The following METTL22 variants were observed in gnomAD, a reference collection of about 807,000 sequenced individuals.
The protein encoded by METTL22 is methyltransferase 22, Kin17 lysine.
Under a neutral mutation model 48.4 loss-of-function variants are expected in METTL22, and 51 were observed. The observed-to-expected ratio is 1.05, with a 90% CI of 0.84 to 1.33. METTL22 has a LOEUF of 1.33. Ranked by LOEUF, METTL22 falls within the 40% of genes most tolerant of loss-of-function variation. The pLI, the probability that METTL22 is intolerant of heterozygous loss-of-function variation, is 0.00. For synonymous variants in METTL22, 255 were observed against 214.1 expected (o/e 1.19, Z -1.67); for missense variants, 678 against 526.9 (o/e 1.29, Z -2.81).
Position 8,642,515 on chromosome 16 carries a change from C to T in METTL22, c.960C>T (p.Leu320=), listed in dbSNP as rs753934008. ...TDAVFKTLSR[L]AHRLKNACTA... is the part of the protein sequence containing the mutation. ...CTGTGTTTAAAACGCTCTCCCGACT[C>T]GCCCACAGATTGAAAAATGCCTGCA... is the stretch of plus-strand genomic sequence containing the variant. Residue 320 remains leucine (L), a synonymous_variant, in exon 9 of 11, where the codon CTC becomes CTT. Transcript: ENST00000381920. The T allele has an allele frequency of 4.3e-6, 7 of 1,614,110 alleles. No homozygotes were observed. Among genetic ancestry groups the T allele is most frequent in the East Asian group, 4.5e-5 (2 of 44,894 alleles).
At chr16:8,665,156 A>G in the METTL22 span, among the ~76,000 whole-genome samples, 1 of 152,118 alleles carries the variant, frequency 6.6e-6, no homozygotes, top group East Asian at 1.9e-4. Flanking sequence ...AAGTAATAAT[A>G]ATAAACAGGC....
At position 8,628,749 on chromosome 16, in the gene METTL22, G is replaced by T; in HGVS notation, c.153G>T (p.Lys51Asn). 6.2e-7 allele frequency: 1 copy of T among 1,608,350 alleles called. No homozygotes were observed. The change falls in exon 3 of 11, where the codon AAG becomes AAT. Residue 51 changes from lysine (K) to asparagine (N), a missense_variant. Physicochemically the swap from Lys to Asn is moderately conservative, Grantham distance 94. Transcript: ENST00000381920. ...TTTCAGTTTTCCTGTCCCAATTCAA[G>T]CTTCTATGGAGCCAAGACTCTTGGA... ...VGQPVFLSQF[K>N]LLWSQDSWTD...
intron 6 of METTL22, among the ~76,000 whole-genome samples, chr16:8,640,907 T>TAGAA (rs1333649606): frequency 7.4e-4 from 50 of 67,190 alleles, no homozygotes; most frequent in South Asian, 2.0e-3. Flanking sequence ...GATGGATGGA[T>TAGAA]GGATGGATGG....
chr16:8,656,246 G>A, the METTL22 span, among the ~76,000 whole-genome samples: 1 of 151,992 alleles, frequency 6.6e-6, no homozygotes, highest in African/African-American at 2.4e-5. Flanking sequence ...TGTTCCTGGC[G>A]CAGAGAGGTT....
intron 1 of METTL22, among the ~76,000 whole-genome samples, chr16:8,623,111 C>T (rs1479921257): frequency 6.6e-6 from 1 of 151,952 alleles, no homozygotes; most frequent in Non-Finnish European, 1.5e-5. Context: ...GTCAGGAGTT[C>T]AAGACTAGCC....
Position 8,635,046 on chromosome 16 carries a change from C to G in METTL22, c.522C>G (p.Thr174=). The G allele has an allele frequency of 1.2e-6, 2 of 1,613,662 alleles. No homozygotes were observed. Among genetic ancestry groups the G allele is most frequent in the Non-Finnish European group, 1.7e-6 (2 of 1,180,036 alleles). The change falls in exon 4 of 11, where the codon ACC becomes ACG. Residue 174 remains threonine (T), a synonymous_variant. Transcript: ENST00000381920. ...GGTTTCTGTCCCATCCAGAGCACAC[C>G]ATGGCCACGCCCCTGGAGGATGTTG... ...SPHDIIRIEH[T]MATPLEDVGK...
At chr16:8,639,384 C>G (rs1169944454) in intron 6 of METTL22, 1 of 584,322 alleles carries the variant, frequency 1.7e-6, no homozygotes, top group Non-Finnish European at 3.1e-6. Flanking sequence ...CATCCTACTC[C>G]AGCTCTTTCT....
intron 1 of METTL22, among the ~76,000 whole-genome samples, chr16:8,624,498 G>C (rs1157742777): frequency 1.3e-5 from 2 of 151,792 alleles, no homozygotes; most frequent in Non-Finnish European, 2.9e-5. Flanking sequence ...TCCCACCTCA[G>C]CCTCCCAAGT....
At chr16:8,628,184 G>A (rs1007082308) in intron 2 of METTL22, among the ~76,000 whole-genome samples, 1 of 152,156 alleles carries the variant, frequency 6.6e-6, no homozygotes, top group African/African-American at 2.4e-5. Context: ...CTTGCTTAAT[G>A]TTTCTTCCCC....
intron 6 of METTL22, chr16:8,639,431 C>G (rs2056523963): frequency 1.5e-5 from 8 of 528,696 alleles, no homozygotes; most frequent in Non-Finnish European, 2.4e-5. Context: ...AGCTGGTCTC[C>G]CCAGCTCCTT....
At chr16:8,644,963 T>C (rs2056740870) in intron 10 of METTL22, 1 of 402,422 alleles carries the variant, frequency 2.5e-6, no homozygotes, top group Non-Finnish European at 4.4e-6. Flanking sequence ...TTTTACTTTA[T>C]AGCACATATT....
At chr16:8,630,568 C>T (rs1371848936) in intron 3 of METTL22, among the ~76,000 whole-genome samples, 3 of 152,130 alleles carry the variant, frequency 2.0e-5, no homozygotes, top group African/African-American at 7.2e-5. Flanking sequence ...TCCCTCTGAG[C>T]CCTCACTGTT....
In METTL22 at chr16:8,646,817, C is replaced by T; in HGVS notation, c.*674C>T. On this transcript the variant is annotated 3_prime_UTR_variant, in exon 11 of 11. Transcript: ENST00000381920. ...CTTCCTCAGAGGTGTTCCCTTCCGCCTGGACTCATTTTCCCTCCGCCCCTT... is the reference window on the plus strand; with the variant it reads ...CTTCCTCAGAGGTGTTCCCTTCCGCTTGGACTCATTTTCCCTCCGCCCCTT... The T allele has an allele frequency of 2.6e-6, 1 of 386,716 alleles. No homozygotes were observed. Among genetic ancestry groups the T allele is most frequent in the Non-Finnish European group, 5.2e-6 (1 of 193,690 alleles). 24.0% of individuals were successfully genotyped at this position (386,716 alleles called of 1,614,324 possible). A position where few individuals can be genotyped will look rare whatever the true frequency, so the allele number is the denominator to read the frequency against.
At chr16:8,643,134 C>T (rs1641060) in intron 9 of METTL22, among the ~76,000 whole-genome samples, 150,471 of 152,374 alleles carry the variant, frequency 0.99, 74,331 homozygotes, top group Middle Eastern at 1. Context: ...GAAGATCGTT[C>T]GGAATCCACA....
intron 1 of METTL22, chr16:8,623,518 T>C (rs2055934032): frequency 6.6e-6 from 1 of 152,156 alleles, no homozygotes; most frequent in South Asian, 2.1e-4. Context: ...TAAGCTGTAT[T>C]TTCTCTTCTG....
the METTL22 span, among the ~76,000 whole-genome samples, chr16:8,656,015 C>G: frequency 1.3e-5 from 2 of 152,210 alleles, no homozygotes; most frequent in Non-Finnish European, 2.9e-5. Context: ...CATCTTTGCT[C>G]TAACACAGTG....
At chr16:8,667,100 C>A in the METTL22 span, 5,143 of 152,052 alleles carry the variant, frequency 0.034, 138 homozygotes, top group Non-Finnish European at 0.051. Context: ...CCGGCTCTGT[C>A]TCCTGATTTT....
At position 8,648,970 on chromosome 16, in the gene METTL22, A is replaced by G. The variant is rs1730983; in HGVS notation, c.*2827A>G. The G allele has an allele frequency of 0.99, 150,439 of 152,342 alleles. 74,315 individuals carry two copies. Among genetic ancestry groups the G allele is most frequent in the Middle Eastern group, 1 (294 of 294 alleles). The allele number at this position is 152,342 out of a possible 1,614,324, so 9.4% of individuals were successfully genotyped here. A position where few individuals can be genotyped will look rare whatever the true frequency, so the allele number is the denominator to read the frequency against. ...ACTCCGTTCCTGACAGACTTGCCAT[A>G]ATGGAGCAGCATTGCAGATCACTAC... On this transcript the variant is annotated 3_prime_UTR_variant, in exon 11 of 11. Transcript: ENST00000381920.
intron 3 of METTL22, among the ~76,000 whole-genome samples, chr16:8,633,717 TC>T (rs1217443212): frequency 5.3e-5 from 8 of 152,210 alleles, no homozygotes; most frequent in African/African-American, 1.9e-4. Context: ...CTTTTCCTCA[TC>T]CAATAATACT....
Sources: gnomAD v4.1 joint callset for allele counts (sites outside exome capture counted in the v4.1 genomes callset) on GRCh38, gnomAD v4.1.1 for gene constraint, MANE v1.5 for transcripts, NCBI Gene and HGNC (gene_info 2026-07-23, HGNC 2026-07-21) for gene names.